Variants in UPRT observed in about 807,000 individuals in gnomAD.
The protein encoded by UPRT is RP11-311P8.3.
UPRT carries 5 observed loss-of-function variants against 22.6 expected under a neutral mutation model. The observed-to-expected ratio is 0.22, with a 90% CI of 0.12 to 0.47. UPRT has a LOEUF of 0.47. Ranked by LOEUF, UPRT falls within the 20% of genes least tolerant of loss-of-function variation. The probability of loss-of-function intolerance (pLI) is 0.99; values close to 1 mark genes in which losing one functional copy is unlikely to be tolerated. For synonymous variants in UPRT, 77 were observed against 87.7 expected (o/e 0.88, Z 0.68); for missense variants, 181 against 239.9 (o/e 0.75, Z 1.62).
chrX:75,258,150 A>G (rs113208121), intron 4 of UPRT, among the ~76,000 whole-genome samples: 7,454 of 108,816 alleles, frequency 0.069, 280 homozygotes, highest in Admixed American at 0.11. Context: ...TTCAAACACA[A>G]AACTAGGTAG....
chrX:75,188,273 T>C (rs1343433022), intron 4 of UPRT, among the ~76,000 whole-genome samples: 1 of 111,264 alleles, frequency 9.0e-6, no homozygotes, highest in Non-Finnish European at 1.9e-5. Flanking sequence ...TCTTTTGGAG[T>C]ACCTGGGCGT....
intron 4 of UPRT, among the ~76,000 whole-genome samples, chrX:75,195,077 A>T (rs761703829): frequency 2.7e-4 from 30 of 111,608 alleles, no homozygotes; most frequent in Non-Finnish European, 5.5e-4. Flanking sequence ...CTACACACAG[A>T]CACCAGCTAA....
intron 4 of UPRT, among the ~76,000 whole-genome samples, chrX:75,248,909 A>G (rs1225522811): frequency 8.9e-6 from 1 of 112,116 alleles, no homozygotes; most frequent in Non-Finnish European, 1.9e-5. Context: ...AATATTCAAC[A>G]TTCTTAAAGA....
At position 75,216,736 on chromosome X, in the gene UPRT, C is replaced by T. The variant is rs141817898; in HGVS notation, c.-447+48857C>T. Among the ~76,000 whole-genome samples, 472 of 112,129 alleles carry T rather than the reference C, an allele frequency of 4.2e-3. 1 individual carries two copies. The highest frequency in any genetic ancestry group is 0.014 in the African/African-American group (437 of 30,909). On this transcript the variant is annotated intron_variant, in intron 4 of 13. Coordinates refer to the UPRT transcript ENST00000652605. ...ATACTAAGCTTAAGCAAACTTTACC[C>T]TAGAGGAGAAGAAATAAGTAATTTT... is the stretch of plus-strand genomic sequence containing the variant.
At chrX:75,246,570 T>C (rs1159552270) in intron 4 of UPRT, among the ~76,000 whole-genome samples, 26 of 111,339 alleles carry the variant, frequency 2.3e-4, no homozygotes, top group Non-Finnish European at 3.0e-4. Flanking sequence ...AACATATGTG[T>C]GCATGTGTCT....
chrX:75,250,388 G>C (rs1025791579), intron 4 of UPRT, among the ~76,000 whole-genome samples: 2 of 110,620 alleles, frequency 1.8e-5, no homozygotes, highest in Non-Finnish European at 3.8e-5. Context: ...TATCACCACC[G>C]ATCCCACAGA....
intron 4 of UPRT, among the ~76,000 whole-genome samples, chrX:75,199,363 C>T (rs1401986856): frequency 9.0e-6 from 1 of 111,310 alleles, no homozygotes; most frequent in East Asian, 2.8e-4. Context: ...CAGTCAGAGT[C>T]ATGAGGCCCC....
chrX:75,266,795 C>A (rs768168968), intron 4 of UPRT, among the ~76,000 whole-genome samples: 25 of 111,552 alleles, frequency 2.2e-4, no homozygotes, highest in African/African-American at 6.8e-4. Context: ...ACAGACACTT[C>A]TCAAAAGAAG....
chrX:75,163,883 T>C (rs1051147562), intron 3 of UPRT, among the ~76,000 whole-genome samples: 18 of 111,424 alleles, frequency 1.6e-4, no homozygotes, highest in African/African-American at 5.6e-4. Context: ...TGTTGATTAC[T>C]AAAGGACTTG....
chrX:75,190,744 A>G (rs1422360817), intron 4 of UPRT, among the ~76,000 whole-genome samples: 2 of 111,446 alleles, frequency 1.8e-5, no homozygotes, highest in East Asian at 2.8e-4. Context: ...TCCATCGCTG[A>G]TACCCTTTCT....
chrX:75,166,875 T>A (rs761501619), intron 3 of UPRT, among the ~76,000 whole-genome samples: 1 of 112,646 alleles, frequency 8.9e-6, no homozygotes, highest in African/African-American at 3.2e-5. Flanking sequence ...CTCTTTGTGA[T>A]CCACGTTGTG....
At chrX:75,204,514 C>T (rs1405731656) in intron 4 of UPRT, among the ~76,000 whole-genome samples, 1 of 112,292 alleles carries the variant, frequency 8.9e-6, no homozygotes, top group East Asian at 2.8e-4. Context: ...GAATCCTGGA[C>T]AAACTTTTTG....
At chrX:75,285,620 T>C (rs1485395958) in intron 1 of UPRT, 1 of 111,460 alleles carries the variant, frequency 9.0e-6, no homozygotes, top group African/African-American at 3.3e-5. Flanking sequence ...ACTTCCACAG[T>C]TGGGGCACTC....
At chrX:75,257,928 C>T (rs1351794230) in intron 4 of UPRT, among the ~76,000 whole-genome samples, 1 of 110,996 alleles carries the variant, frequency 9.0e-6, no homozygotes, top group Admixed American at 9.6e-5. Context: ...TGGGTGCAGC[C>T]CATGGAGGGC....
At chrX:75,193,263 CTT>C (rs1305208261) in intron 4 of UPRT, among the ~76,000 whole-genome samples, 2 of 112,002 alleles carry the variant, frequency 1.8e-5, no homozygotes, top group Admixed American at 1.9e-4. Context: ...GTCAAAAATT[CTT>C]TTCTTAAGAA....
At chrX:75,300,035 G>A in intron 5 of UPRT, 139 bp downstream of exon 5, 2 of 683,953 alleles carry the variant, frequency 2.9e-6, no homozygotes, top group Non-Finnish European at 4.3e-6. Context: ...GCCCCAGGCA[G>A]TTCACTGGAG....
chrX:75,251,826 A>C (rs1013671369), intron 4 of UPRT, among the ~76,000 whole-genome samples: 4 of 111,638 alleles, frequency 3.6e-5, no homozygotes, highest in Non-Finnish European at 7.5e-5. Context: ...ACAAGGCTAC[A>C]GTAACCAAAA....
chrX:75,159,046 T>C (rs1463666164), intron 1 of UPRT, among the ~76,000 whole-genome samples: 1 of 112,086 alleles, frequency 8.9e-6, no homozygotes, highest in Non-Finnish European at 1.9e-5. Context: ...TACTGTACTA[T>C]AGAACACTAG....
intron 4 of UPRT, among the ~76,000 whole-genome samples, chrX:75,205,927 C>T (rs2082364994): frequency 9.0e-6 from 1 of 111,582 alleles, no homozygotes; most frequent in Admixed American, 9.5e-5. Flanking sequence ...TGGGGAATGG[C>T]TCGCAAACGC....
Sources: gnomAD v4.1 joint callset for allele counts (sites outside exome capture counted in the v4.1 genomes callset) on GRCh38, gnomAD v4.1.1 for gene constraint, MANE v1.5 for transcripts, NCBI Gene and HGNC (gene_info 2026-07-23, HGNC 2026-07-21) for gene names.